Variants in NCOA2 observed in about 807,000 individuals in gnomAD.
NCOA2 encodes class E basic helix-loop-helix protein 75.
A neutral mutation model predicts 145.1 loss-of-function variants in NCOA2; 21 were observed. The ratio of observed to expected loss-of-function variants is 0.14; its 90% confidence interval spans 0.10 to 0.21. The LOEUF (loss-of-function observed/expected upper bound fraction) is 0.21. NCOA2 is among the 10% of genes least tolerant of loss of function. The probability of loss-of-function intolerance (pLI) is 1.00; values close to 1 mark genes in which losing one functional copy is unlikely to be tolerated. For synonymous variants in NCOA2, 619 were observed against 637.5 expected (o/e 0.97, Z 0.44); for missense variants, 1,472 against 1,837.6 (o/e 0.80, Z 3.64).
intron 1 of NCOA2, among the ~76,000 whole-genome samples, chr8:70,304,551 C>T (rs1471128716): frequency 2.0e-5 from 3 of 152,078 alleles, no homozygotes; most frequent in Non-Finnish European, 4.4e-5. Context: ...ACTGCAACAC[C>T]TGCCTCCCAG....
At chr8:70,441,261 A>G in the NCOA2 span, among the ~76,000 whole-genome samples, 2 of 150,354 alleles carry the variant, frequency 1.3e-5, no homozygotes. Flanking sequence ...AGAAAGGGGA[A>G]AGAGAAAAAA....
chr8:70,364,293 C>A (rs969981492), intron 1 of NCOA2, among the ~76,000 whole-genome samples: 6 of 151,768 alleles, frequency 4.0e-5, no homozygotes, highest in Non-Finnish European at 7.4e-5. Flanking sequence ...CCACAAAACT[C>A]ATTCTTCAAA....
chr8:70,167,991 C>T (rs1813820103), intron 6 of NCOA2, among the ~76,000 whole-genome samples: 2 of 152,140 alleles, frequency 1.3e-5, no homozygotes, highest in Admixed American at 1.3e-4. Flanking sequence ...ATTCCTTATG[C>T]TTTATCTAAA....
chr8:70,298,023 A>G (rs1827218276), intron 1 of NCOA2, among the ~76,000 whole-genome samples: 2 of 152,346 alleles, frequency 1.3e-5, no homozygotes, highest in Admixed American at 6.5e-5. Flanking sequence ...TTTAAAAAAC[A>G]TTAAACACTA....
In NCOA2 at chr8:70,397,189, T is replaced by C. The variant is rs1455214264; in HGVS notation, c.-77+6511A>G. 5.3e-5 allele frequency among the ~76,000 whole-genome samples: 8 copies of C among 152,144 alleles called. No homozygotes were observed. The East Asian group carries it at 5.8e-4, about 11-fold the overall frequency. ...AAGAGCAAGAATGGGCCAGGTGCAA[T>C]AGCTCATGCCTGTAATCTTAGCACT... On this transcript the variant is annotated intron_variant, in intron 1 of 22. Coordinates refer to ENST00000452400, the MANE Select transcript of NCOA2 (RefSeq NM_006540.4).
intron 22 of NCOA2, among the ~76,000 whole-genome samples, chr8:70,115,685 A>T (rs896123444): frequency 9.9e-5 from 15 of 152,244 alleles, no homozygotes; most frequent in South Asian, 8.3e-4. Flanking sequence ...GCTGAGCAGT[A>T]AACTCAATTT....
chr8:70,201,437 G>A (rs1200211635), intron 4 of NCOA2, among the ~76,000 whole-genome samples: 1 of 152,144 alleles, frequency 6.6e-6, no homozygotes, highest in Non-Finnish European at 1.5e-5. Context: ...TAAGCTGTAA[G>A]AGGCTCCATT....
intron 1 of NCOA2, among the ~76,000 whole-genome samples, chr8:70,302,387 T>C (rs1464324962): frequency 6.6e-6 from 1 of 152,170 alleles, no homozygotes; most frequent in Non-Finnish European, 1.5e-5. Context: ...CTTCTATATA[T>C]ACTGCAGACA....
At chr8:70,212,013 A>G (rs1027328539) in intron 4 of NCOA2, among the ~76,000 whole-genome samples, 1 of 151,072 alleles carries the variant, frequency 6.6e-6, no homozygotes, top group Non-Finnish European at 1.5e-5. Context: ...TGAAGGGGGA[A>G]TTACCAAGGT....
At chr8:70,454,938 G>A in the NCOA2 span, among the ~76,000 whole-genome samples, 3 of 152,226 alleles carry the variant, frequency 2.0e-5, no homozygotes, top group African/African-American at 7.2e-5. Flanking sequence ...TAATGATGGT[G>A]AAATTGAAGT....
chr8:70,186,312 C>T (rs1816065507), intron 4 of NCOA2, among the ~76,000 whole-genome samples: 1 of 152,166 alleles, frequency 6.6e-6, no homozygotes, highest in East Asian at 1.9e-4. Flanking sequence ...TGTTCAAATG[C>T]TTGAAACAGC....
At chr8:70,333,497 A>C (rs963645284) in intron 1 of NCOA2, among the ~76,000 whole-genome samples, 2 of 152,222 alleles carry the variant, frequency 1.3e-5, no homozygotes, top group African/African-American at 4.8e-5. Context: ...TGCCATGAAT[A>C]ACCTGCTGGG....
At chr8:70,202,414 A>C (rs1817988971) in intron 4 of NCOA2, among the ~76,000 whole-genome samples, 1 of 152,240 alleles carries the variant, frequency 6.6e-6, no homozygotes, top group African/African-American at 2.4e-5. Context: ...TATTTTATTC[A>C]TAACAGCCAA....
At chr8:70,141,528 C>T in intron 13 of NCOA2, 129 bp from the exon 14 acceptor site, 2 of 868,636 alleles carry the variant, frequency 2.3e-6, no homozygotes, top group Non-Finnish European at 3.6e-6. Flanking sequence ...AGCTAATGTT[C>T]TCATTGGGCA....
At chr8:70,272,782 T>C (rs1436998817) in intron 2 of NCOA2, among the ~76,000 whole-genome samples, 1 of 152,178 alleles carries the variant, frequency 6.6e-6, no homozygotes, top group Non-Finnish European at 1.5e-5. Context: ...ATTTCCTAAA[T>C]AAAAATTCTC....
chr8:70,352,495 T>C (rs1046173215), intron 1 of NCOA2, among the ~76,000 whole-genome samples: 2 of 152,208 alleles, frequency 1.3e-5, no homozygotes, highest in African/African-American at 4.8e-5. Flanking sequence ...CCTAATGCCA[T>C]TTTGTGTTAG....
chr8:70,244,836 C>A (rs2926712), intron 2 of NCOA2, among the ~76,000 whole-genome samples: 114,514 of 151,976 alleles, frequency 0.75, 44,369 homozygotes, highest in Non-Finnish European at 0.84. Context: ...GAAATAAGGA[C>A]CACGGAATCA....
chr8:70,295,838 A>G lies in NCOA2; in HGVS notation c.-20+906T>C, dbSNP rs977796863. Among the ~76,000 whole-genome samples the G allele has an allele frequency of 6.6e-5, 10 of 152,100 alleles. No individual in the cohort carries two copies. In the South Asian group the frequency reaches 8.3e-4, roughly 13 times the overall value. ...TGGACACCTGTAATCCCAGCTACTC[A>G]TGAGGCTGAGGCAGGAGAATCGCTT... On this transcript the variant is annotated intron_variant, in intron 2 of 22. Transcript: ENST00000452400.
chr8:70,323,178 C>T (rs762386779), intron 1 of NCOA2, among the ~76,000 whole-genome samples: 7 of 152,180 alleles, frequency 4.6e-5, no homozygotes, highest in Non-Finnish European at 8.8e-5. Context: ...CCACTGAGTA[C>T]GCAGCTATGT....
Sources: gnomAD v4.1 joint callset for allele counts (sites outside exome capture counted in the v4.1 genomes callset) on GRCh38, gnomAD v4.1.1 for gene constraint, MANE v1.5 for transcripts, NCBI Gene and HGNC (gene_info 2026-07-23, HGNC 2026-07-21) for gene names.